Variants in TMPRSS15 observed in about 807,000 individuals in gnomAD.
TMPRSS15 encodes the protein enteropeptidase.
Under a neutral mutation model 125.3 loss-of-function variants are expected in TMPRSS15, and 128 were observed. That is an observed-to-expected ratio of 1.02 (90% confidence interval 0.89 to 1.18). The LOEUF is 1.18. Ranked by LOEUF, TMPRSS15 falls within the 50% of genes most tolerant of loss-of-function variation. TMPRSS15 has a pLI of 0.00. For synonymous variants in TMPRSS15, 446 were observed against 423.2 expected (o/e 1.05, Z -0.66); for missense variants, 1,283 against 1,212.7 (o/e 1.06, Z -0.86).
chr21:18,434,769 T>C (rs1388313207), intron 1 of TMPRSS15, among the ~76,000 whole-genome samples: 1 of 152,112 alleles, frequency 6.6e-6, no homozygotes, highest in Non-Finnish European at 1.5e-5. Context: ...ATTACATATT[T>C]GGAAGAAAGA....
At chr21:18,321,184 A>T (rs1378042759) in intron 16 of TMPRSS15, among the ~76,000 whole-genome samples, 5 of 152,142 alleles carry the variant, frequency 3.3e-5, no homozygotes, top group African/African-American at 1.2e-4. Flanking sequence ...AATCTATATT[A>T]CATATACTTT....
chr21:18,275,729 G>A (rs1302582828), intron 23 of TMPRSS15, among the ~76,000 whole-genome samples: 3 of 152,202 alleles, frequency 2.0e-5, no homozygotes, highest in Admixed American at 1.3e-4. Context: ...TGGCACCTGA[G>A]GAGGTGCTCG....
intron 3 of TMPRSS15, among the ~76,000 whole-genome samples, chr21:18,392,908 G>A (rs964495832): frequency 2.0e-5 from 3 of 152,114 alleles, no homozygotes; most frequent in African/African-American, 7.2e-5. Context: ...CATAAGAACA[G>A]CATGGGAGAA....
At chr21:18,321,960 G>T (rs1202098962) in intron 16 of TMPRSS15, among the ~76,000 whole-genome samples, 1 of 152,146 alleles carries the variant, frequency 6.6e-6, no homozygotes, top group African/African-American at 2.4e-5. Context: ...CTCCATTCTA[G>T]CTTCAATCAG....
At chr21:18,464,887 G>T (rs1441541025) in intron 1 of TMPRSS15, among the ~76,000 whole-genome samples, 1 of 152,190 alleles carries the variant, frequency 6.6e-6, no homozygotes, top group East Asian at 1.9e-4. Flanking sequence ...AGAAAAAGAG[G>T]CACTCCTCCC....
chr21:18,470,269 T>C lies in TMPRSS15; in HGVS notation c.10+15530A>G, dbSNP rs115667384. Among the ~76,000 whole-genome samples the C allele has an allele frequency of 4.7e-3, 717 of 152,084 alleles. 6 individuals are homozygous for C. The highest frequency in any genetic ancestry group is 0.016 in the African/African-American group (665 of 41,518). Reference sequence around the variant, plus strand: ...CTTAGTTAACTTTTTTCTTGCATACTATTCCATTCCATGTACTTGACCCTC... The same window carrying C: ...CTTAGTTAACTTTTTTCTTGCATACCATTCCATTCCATGTACTTGACCCTC... On this transcript the variant is annotated intron_variant, in intron 1 of 7. Transcript: ENST00000422787.
intron 24 of TMPRSS15, among the ~76,000 whole-genome samples, chr21:18,270,681 G>A (rs1238512541): frequency 2.6e-5 from 4 of 152,094 alleles, no homozygotes; most frequent in Non-Finnish European, 4.4e-5. Context: ...ATAATTTTTA[G>A]TGATAATTGC....
intron 13 of TMPRSS15, among the ~76,000 whole-genome samples, chr21:18,332,810 G>A (rs564534528): frequency 1.6e-3 from 242 of 152,118 alleles, no homozygotes; most frequent in Non-Finnish European, 2.9e-3. Flanking sequence ...TCATTGCAGC[G>A]CTATTCAAAA....
chr21:18,389,914 C>T (rs2075976850), intron 3 of TMPRSS15, among the ~76,000 whole-genome samples: 1 of 152,140 alleles, frequency 6.6e-6, no homozygotes, highest in Admixed American at 6.5e-5. Flanking sequence ...TAAAGTCAGG[C>T]TCACTGTGTA....
intron 1 of TMPRSS15, among the ~76,000 whole-genome samples, chr21:18,409,513 T>G (rs2076160147): frequency 6.6e-6 from 1 of 152,104 alleles, no homozygotes; most frequent in African/African-American, 2.4e-5. Flanking sequence ...TTTCTTGTAA[T>G]TATTTCATTA....
intron 10 of TMPRSS15, among the ~76,000 whole-genome samples, chr21:18,352,480 G>C (rs2075579762): frequency 6.6e-6 from 1 of 152,058 alleles, no homozygotes; most frequent in African/African-American, 2.4e-5. Context: ...CAGGACTGCT[G>C]TTGGGTCTAA....
intron 23 of TMPRSS15, among the ~76,000 whole-genome samples, chr21:18,277,099 G>A (rs1469340301): frequency 6.6e-6 from 1 of 152,000 alleles, no homozygotes; most frequent in African/African-American, 2.4e-5. Context: ...TAAGTAGATG[G>A]AAGTCATAAA....
At chr21:18,430,035 T>C (rs1469684646) in intron 1 of TMPRSS15, among the ~76,000 whole-genome samples, 4 of 152,228 alleles carry the variant, frequency 2.6e-5, no homozygotes, top group African/African-American at 9.6e-5. Context: ...AATCTTCCCA[T>C]TATATTTACT....
At chr21:18,312,801 CA>C in intron 18 of TMPRSS15, 143 bp downstream of exon 18, 1 of 1,087,404 alleles carries the variant, frequency 9.2e-7, no homozygotes, top group Non-Finnish European at 1.3e-6. Flanking sequence ...TGGGGTTAAT[CA>C]AGATTTTTAT....
At chr21:18,469,999 A>G (rs887296277) in intron 1 of TMPRSS15, among the ~76,000 whole-genome samples, 1 of 152,060 alleles carries the variant, frequency 6.6e-6, no homozygotes, top group African/African-American at 2.4e-5. Flanking sequence ...ATTGTCCTAA[A>G]TATATTTTGC....
intron 1 of TMPRSS15, among the ~76,000 whole-genome samples, chr21:18,437,365 A>G (rs1181926510): frequency 1.3e-5 from 2 of 152,218 alleles, no homozygotes; most frequent in Non-Finnish European, 2.9e-5. Flanking sequence ...CTAAAACCAT[A>G]AAAGCCCTAG....
chr21:18,297,688 G>T, intron 19 of TMPRSS15, 46 bp downstream of exon 19: 1 of 1,405,236 alleles, frequency 7.1e-7, no homozygotes, highest in Non-Finnish European at 1.0e-6. Flanking sequence ...TCTATCTTCT[G>T]CCATGTCTAT....
At chr21:18,438,325 G>C (rs34393005) in intron 1 of TMPRSS15, among the ~76,000 whole-genome samples, 38,527 of 118,090 alleles carry the variant, frequency 0.33, 7,583 homozygotes, top group Middle Eastern at 0.5. Flanking sequence ...GGGGACTGTT[G>C]TGGGGTGGGG....
rs537226379 is a variant in TMPRSS15 at position 18,381,864 on chromosome 21, A to T, written c.496+1763T>A. Among the ~76,000 whole-genome samples, 7 of 152,210 alleles carry T rather than the reference A, an allele frequency of 4.6e-5. No individual in the cohort carries two copies. The South Asian group carries it at 1.5e-3, about 32-fold the overall frequency. On this transcript the variant is annotated intron_variant, in intron 4 of 24. Transcript: ENST00000284885. ...GGGAGGAGGCAGAGAATGAGGAGAA[A>T]TAACTAACAGGTGCTAGGCTTAATA...
Sources: allele counts gnomAD v4.1 joint callset (sites outside exome capture counted in the v4.1 genomes callset), GRCh38; gene constraint gnomAD v4.1.1; transcripts MANE v1.5; gene names NCBI Gene and HGNC (gene_info 2026-07-23, HGNC 2026-07-21).